PEX7: variants seen among roughly 807,000 people sequenced by gnomAD.
PEX7 encodes the protein PTS2 receptor.
Under a neutral mutation model 47.5 loss-of-function variants are expected in PEX7, and 34 were observed. That is an observed-to-expected ratio of 0.72 (90% confidence interval 0.54 to 0.95). The LOEUF is 0.95. Ranked by LOEUF, PEX7 falls within the 40% of genes least tolerant of loss-of-function variation. The pLI, the probability that PEX7 is intolerant of heterozygous loss-of-function variation, is 0.00. For synonymous variants in PEX7, 141 were observed against 148.8 expected (o/e 0.95, Z 0.38); for missense variants, 394 against 400.3 (o/e 0.98, Z 0.13).
chr6:136,883,860 T>A (rs1328772277), intron 8 of PEX7, among the ~76,000 whole-genome samples: 2 of 152,212 alleles, frequency 1.3e-5, no homozygotes, highest in African/African-American at 4.8e-5. Context: ...CTTGAAAAAT[T>A]GGTAAACATT....
intron 9 of PEX7, among the ~76,000 whole-genome samples, chr6:136,906,983 T>C (rs957583282): frequency 6.6e-6 from 1 of 152,178 alleles, no homozygotes; most frequent in Admixed American, 6.5e-5. Flanking sequence ...TTAATTTTAG[T>C]TCTCACCATC....
chr6:136,864,917 A>G (rs1562743428), intron 5 of PEX7, among the ~76,000 whole-genome samples: 1 of 152,200 alleles, frequency 6.6e-6, no homozygotes, highest in Non-Finnish European at 1.5e-5. Context: ...ACCTGCTATC[A>G]TGCCAGAAAC....
At chr6:136,852,220 A>C (rs1275349951) in intron 5 of PEX7, among the ~76,000 whole-genome samples, 10 of 152,144 alleles carry the variant, frequency 6.6e-5, no homozygotes, top group Non-Finnish European at 1.5e-4. Flanking sequence ...TTCTGGAAGC[A>C]CTGGAAGCAT....
chr6:136,894,454 G>A (rs1019948332), intron 8 of PEX7, among the ~76,000 whole-genome samples: 1 of 152,234 alleles, frequency 6.6e-6, no homozygotes, highest in Admixed American at 6.5e-5. Flanking sequence ...GCTGAGCGTA[G>A]TGGCGTGCGC....
At chr6:136,911,612 G>T (rs1397684427) in intron 9 of PEX7, among the ~76,000 whole-genome samples, 1 of 152,034 alleles carries the variant, frequency 6.6e-6, no homozygotes, top group Non-Finnish European at 1.5e-5. Flanking sequence ...TCACCATGGT[G>T]CCCAGGCTGG....
At chr6:136,858,687 T>G (rs1217189960) in intron 5 of PEX7, among the ~76,000 whole-genome samples, 1 of 152,248 alleles carries the variant, frequency 6.6e-6, no homozygotes, top group Non-Finnish European at 1.5e-5. Context: ...AGCTTAGTTC[T>G]ATTTGAGGTA....
rs146014509 is a variant in PEX7, at chr6:136,894,040, C to T, written c.804-4102C>T. Among the ~76,000 whole-genome samples, 305 of 152,288 alleles carry T rather than the reference C, an allele frequency of 2.0e-3. 3 individuals carry two copies. The highest frequency in any genetic ancestry group is 6.6e-3 in the African/African-American group (276 of 41,554). ...ATTTTGACGTTGTATTTAATACAGA[C>T]TATGATGAGCCAGGCATAGTGGTAC... On this transcript the variant is annotated intron_variant, in intron 8 of 9. Coordinates refer to ENST00000318471, the MANE Select transcript of PEX7 (RefSeq NM_000288.4).
At position 136,822,754 on chromosome 6, in the gene PEX7, G is replaced by T; in HGVS notation, c.89G>T (p.Gly30Val). ...GCCGAGTTCTCCCCGTACCTGCCGG[G>T]CCGCCTGGCCTGCGCCACCGCGCAG... ...YAAEFSPYLP[G>V]RLACATAQHY... is the part of the protein sequence containing the mutation. The change falls in exon 1 of 10, where the codon GGC becomes GTC. Residue 30 changes from glycine to valine, a missense_variant. Transcript: ENST00000318471. 1.3e-6 allele frequency: 2 copies of T among 1,482,042 alleles called. No individual in the cohort carries two copies. The highest frequency in any genetic ancestry group is 1.3e-5 in the South Asian group (1 of 78,916). The allele number at this position is 1,482,042 out of a possible 1,614,324, so 91.8% of individuals were successfully genotyped here. A position where few individuals can be genotyped will look rare whatever the true frequency, so the allele number is the denominator to read the frequency against.
At chr6:136,902,092 T>C (rs1447463832) in intron 9 of PEX7, among the ~76,000 whole-genome samples, 1 of 152,212 alleles carries the variant, frequency 6.6e-6, no homozygotes, top group East Asian at 1.9e-4. Context: ...GCCAAGTTAT[T>C]TTTAACATAC....
chr6:136,826,204 G>A (rs575443935), intron 2 of PEX7, 115 bp from the exon 3 acceptor site: 111 of 1,101,872 alleles, frequency 1.0e-4, no homozygotes, highest in East Asian at 1.4e-4. Context: ...TGAGATATAC[G>A]TGTTAAAATG....
Position 136,845,617 on chromosome 6 carries a change from G to A in PEX7, c.342G>A (p.Val114=). 6.3e-7 allele frequency: 1 copy of A among 1,589,936 alleles called. No individual in the cohort carries two copies. Among genetic ancestry groups the A allele is most frequent in the Non-Finnish European group, 8.6e-7 (1 of 1,158,004 alleles). ...TAAACACTTTTCAATGTTTTTAGGTGTATAGTGTTGATTGGAGCCAAACCA... is the reference window on the plus strand; with the variant it reads ...TAAACACTTTTCAATGTTTTTAGGTATATAGTGTTGATTGGAGCCAAACCA... ...LQVYKEHAQE[V]YSVDWSQTRG... is the part of the protein sequence containing the mutation. Residue 114 remains valine, a splice_region_variant and synonymous_variant, in exon 4 of 10, where the codon GTG becomes GTA. Coordinates refer to ENST00000318471, the MANE Select transcript of PEX7 (RefSeq NM_000288.4).
chr6:136,855,603 G>A (rs2115191564), intron 5 of PEX7: 1 of 197,038 alleles, frequency 5.1e-6, no homozygotes, highest in Non-Finnish European at 1.0e-5. Flanking sequence ...GCCTCCCAAA[G>A]TGCTGGGAGT....
intron 5 of PEX7, among the ~76,000 whole-genome samples, chr6:136,855,364 G>A (rs1430757774): frequency 1.5e-5 from 2 of 135,314 alleles, no homozygotes; most frequent in South Asian, 2.3e-4. Context: ...TTTTTTTTGA[G>A]ACGGAGTCTC....
chr6:136,838,336 C>T (rs1774433105), intron 3 of PEX7, among the ~76,000 whole-genome samples: 1 of 152,116 alleles, frequency 6.6e-6, no homozygotes. Context: ...AGTTAATTAC[C>T]ACCATGAGGA....
At chr6:136,845,795 G>A (rs373278677) in intron 4 of PEX7, 103 bp downstream of exon 4, 40 of 809,092 alleles carry the variant, frequency 4.9e-5, no homozygotes, top group East Asian at 1.8e-4. Flanking sequence ...TCTATGATTC[G>A]ACAGCTGAGC....
chr6:136,875,827 A>C (rs1257287867), intron 8 of PEX7, among the ~76,000 whole-genome samples: 1 of 152,178 alleles, frequency 6.6e-6, no homozygotes, highest in Non-Finnish European at 1.5e-5. Context: ...TTATAGAAAC[A>C]GATGCTGTGT....
At chr6:136,867,861 T>C (rs1038137463) in intron 6 of PEX7, among the ~76,000 whole-genome samples, 7 of 152,148 alleles carry the variant, frequency 4.6e-5, no homozygotes, top group African/African-American at 1.4e-4. Flanking sequence ...CTAAGGTTAA[T>C]TTATTATTGA....
chr6:136,861,471 G>T (rs758090115), intron 5 of PEX7, among the ~76,000 whole-genome samples: 1 of 152,184 alleles, frequency 6.6e-6, no homozygotes, highest in Non-Finnish European at 1.5e-5. Flanking sequence ...TATAGCTATA[G>T]CAGAATTTAT....
intron 9 of PEX7, among the ~76,000 whole-genome samples, chr6:136,911,687 A>G (rs1309863335): frequency 2.0e-5 from 3 of 148,254 alleles, no homozygotes; most frequent in African/African-American, 7.5e-5. Context: ...GATTACAGGT[A>G]TGAACCACTT....
Sources: allele counts gnomAD v4.1 joint callset (sites outside exome capture counted in the v4.1 genomes callset), GRCh38; gene constraint gnomAD v4.1.1; transcripts MANE v1.5; gene names NCBI Gene and HGNC (gene_info 2026-07-23, HGNC 2026-07-21).